The following STARD13 variants were observed in gnomAD, a reference collection of about 807,000 sequenced individuals.
The protein encoded by STARD13 is stAR-related lipid transfer protein 13.
A neutral mutation model predicts 106.4 loss-of-function variants in STARD13; 62 were observed. That is an observed-to-expected ratio of 0.58 (90% confidence interval 0.48 to 0.72). The LOEUF is 0.72. Ranked by LOEUF, STARD13 falls within the 30% of genes least tolerant of loss-of-function variation. The pLI, the probability that STARD13 is intolerant of heterozygous loss-of-function variation, is 0.00. For missense variants in STARD13, 1,387 were observed against 1,424.0 expected (o/e 0.97, Z 0.42); for synonymous variants, 565 against 553.0 (o/e 1.02, Z -0.31).
At chr13:33,596,455 G>A in the STARD13 span, among the ~76,000 whole-genome samples, 1 of 152,114 alleles carries the variant, frequency 6.6e-6, no homozygotes, top group Non-Finnish European at 1.5e-5. Context: ...TATTTATGGG[G>A]TACGTGTGAT....
the STARD13 span, among the ~76,000 whole-genome samples, chr13:33,664,985 C>T: frequency 6.6e-6 from 1 of 152,152 alleles, no homozygotes; most frequent in Non-Finnish European, 1.5e-5. Flanking sequence ...AAAATAAGAT[C>T]CTGTGTGAGA....
At chr13:33,231,757 C>T (rs1442716866) in intron 1 of STARD13, among the ~76,000 whole-genome samples, 3 of 152,074 alleles carry the variant, frequency 2.0e-5, no homozygotes, top group Admixed American at 2.0e-4. Flanking sequence ...CCGGGGCATT[C>T]CCATAACTTT....
At chr13:33,117,737 C>T (rs761602760) in intron 8 of STARD13, 10 of 907,426 alleles carry the variant, frequency 1.1e-5, no homozygotes, top group Non-Finnish European at 1.3e-5. Context: ...TTAATAAATA[C>T]CTATATATAA....
At chr13:33,348,254 ACCACTTTTAG>A (rs1318027590), downstream of STARD13, among the ~76,000 whole-genome samples, 1 of 152,226 alleles carries the variant, frequency 6.6e-6, no homozygotes, top group Non-Finnish European at 1.5e-5. Flanking sequence ...CCATTCTGAA[ACCACTTTTAG>A]CTTTCTATAT....
downstream of STARD13, among the ~76,000 whole-genome samples, chr13:33,347,186 A>G (rs928869538): frequency 6.6e-6 from 1 of 152,226 alleles, no homozygotes; most frequent in Non-Finnish European, 1.5e-5. Context: ...ACTGGACTGC[A>G]TATATGACAG....
At chr13:33,459,988 T>C in the STARD13 span, among the ~76,000 whole-genome samples, 1 of 152,196 alleles carries the variant, frequency 6.6e-6, no homozygotes, top group African/African-American at 2.4e-5. Flanking sequence ...CTCTTTATTA[T>C]TAGTGTTAAG....
At chr13:33,561,064 G>T in the STARD13 span, among the ~76,000 whole-genome samples, 1 of 151,520 alleles carries the variant, frequency 6.6e-6, no homozygotes, top group African/African-American at 2.4e-5. Context: ...TAAGAATCTT[G>T]TCTATGTTAC....
chr13:33,170,864 C>A (rs563881218), intron 1 of STARD13, among the ~76,000 whole-genome samples: 3 of 152,262 alleles, frequency 2.0e-5, no homozygotes, highest in East Asian at 1.9e-4. Context: ...GCATAATTAA[C>A]CCCTATCAAA....
the STARD13 span, among the ~76,000 whole-genome samples, chr13:33,551,866 G>A: frequency 1.3e-4 from 19 of 151,868 alleles, no homozygotes; most frequent in Non-Finnish European, 2.1e-4. Flanking sequence ...CCAAAGTGCT[G>A]GGATTATAGG....
At chr13:33,440,665 T>A in the STARD13 span, among the ~76,000 whole-genome samples, 6 of 151,824 alleles carry the variant, frequency 4.0e-5, no homozygotes, top group African/African-American at 1.2e-4. Flanking sequence ...ACTTTGCACC[T>A]TCTTCCAGGG....
intron 1 of STARD13, among the ~76,000 whole-genome samples, chr13:33,343,577 T>TAAAAAAAA (rs1292508834): frequency 0.093 from 3,433 of 36,998 alleles, 936 homozygotes; most frequent in Non-Finnish European, 0.12. Flanking sequence ...GACCCTGTCT[T>TAAAAAAAA]AAAAAAAAAA....
In STARD13 at chr13:33,152,150, G is replaced by C. The variant is rs147222370; in HGVS notation, c.324-9777C>G. Among the ~76,000 whole-genome samples, 116 of 152,302 alleles carry C rather than the reference G, an allele frequency of 7.6e-4. 1 individual carries two copies. In the East Asian group the frequency reaches 0.021, roughly 28 times the overall value. On this transcript the variant is annotated intron_variant, in intron 3 of 13. Transcript: ENST00000336934. ...TAATAATTAAAGTCAATCATCCAGG[G>C]GAAATCCAGAACTCTGGAGAATTAC...
upstream of STARD13, among the ~76,000 whole-genome samples, chr13:33,351,308 T>C (rs963079837): frequency 1.1e-4 from 17 of 152,218 alleles, no homozygotes; most frequent in Non-Finnish European, 2.5e-4. Flanking sequence ...AAGAAGTACG[T>C]ATTATGAAGA....
At chr13:33,484,188 G>A in the STARD13 span, among the ~76,000 whole-genome samples, 1 of 152,118 alleles carries the variant, frequency 6.6e-6, no homozygotes, top group Non-Finnish European at 1.5e-5. Flanking sequence ...AACTTTGGGA[G>A]AAATTTGGTT....
intron 1 of STARD13, among the ~76,000 whole-genome samples, chr13:33,328,583 G>A (rs2077802592): frequency 6.6e-6 from 1 of 152,210 alleles, no homozygotes; most frequent in African/African-American, 2.4e-5. Context: ...GACCAAGAAA[G>A]GGTAAGAGGG....
chr13:33,266,404 C>T (rs1361114857), intron 1 of STARD13, among the ~76,000 whole-genome samples: 1 of 152,198 alleles, frequency 6.6e-6, no homozygotes, highest in Non-Finnish European at 1.5e-5. Flanking sequence ...TTCTAGGCTG[C>T]TCTTTTTGTC....
chr13:33,403,267 C>G, the STARD13 span, among the ~76,000 whole-genome samples: 7 of 152,198 alleles, frequency 4.6e-5, no homozygotes, highest in African/African-American at 1.7e-4. Context: ...TCAGGGAACT[C>G]TCCTGTTTCA....
At chr13:33,282,774 C>G (rs369752897) in intron 1 of STARD13, among the ~76,000 whole-genome samples, 3 of 152,122 alleles carry the variant, frequency 2.0e-5, no homozygotes, top group Non-Finnish European at 4.4e-5. Context: ...CATTTGTAAT[C>G]CCCGCACTTT....
Position 33,110,012 on chromosome 13 carries a change from C to G in STARD13, c.2908G>C (p.Val970Leu), listed in dbSNP as rs764991522. The G allele has an allele frequency of 1.2e-6, 2 of 1,614,232 alleles. No homozygotes were observed. Among genetic ancestry groups the G allele is most frequent in the Non-Finnish European group, 1.7e-6 (2 of 1,180,052 alleles). ...EAPPSVVLNR[V>L]LRERHLWDED... is the part of the protein sequence containing the mutation. ...TCCCACAGGTGGCGCTCTCTCAGCA[C>G]GCGGTTCAGGACCACTGAGGGGGGT... Residue 970 changes from valine (V) to leucine (L), a missense_variant, in exon 12 of 14, where the codon GTG becomes CTG. Val to Leu is a conservative substitution (Grantham distance 32). Coordinates refer to ENST00000336934, the MANE Select transcript of STARD13 (RefSeq NM_178006.4).
Sources: allele counts gnomAD v4.1 joint callset (sites outside exome capture counted in the v4.1 genomes callset), GRCh38; gene constraint gnomAD v4.1.1; transcripts MANE v1.5; gene names NCBI Gene and HGNC (gene_info 2026-07-23, HGNC 2026-07-21).